PSD3: variants seen among roughly 807,000 people sequenced by gnomAD.
PSD3 encodes the protein pleckstrin and Sec7 domain containing 3.
Under a neutral mutation model 105.5 loss-of-function variants are expected in PSD3, and 49 were observed. The ratio of observed to expected loss-of-function variants is 0.46; its 90% CI spans 0.37 to 0.59. PSD3 has a LOEUF of 0.59. Ranked by LOEUF, PSD3 falls within the 20% of genes least tolerant of loss-of-function variation. The pLI is 0.00. For synonymous variants in PSD3, 557 were observed against 457.8 expected, an observed-to-expected ratio of 1.22 and a Z score of -2.77; for missense variants, 1,561 against 1,263.8, an observed-to-expected ratio of 1.24 and a Z score of -3.57.
intron 1 of PSD3, among the ~76,000 whole-genome samples, chr8:18,953,541 G>C (rs1175099299): frequency 1.3e-5 from 2 of 152,138 alleles, no homozygotes; most frequent in African/African-American, 4.8e-5. Context: ...CAGAGGTCAG[G>C]AGTTCAAGAC....
chr8:18,945,130 G>A (rs888080043), intron 1 of PSD3, among the ~76,000 whole-genome samples: 1 of 151,998 alleles, frequency 6.6e-6, no homozygotes, highest in African/African-American at 2.4e-5. Context: ...ACTAAATAAA[G>A]GTCCTCCCCC....
rs149406414 is a variant in PSD3 at position 18,657,458 on chromosome 8, A to G, written c.2173-1773T>C. Among the ~76,000 whole-genome samples, 819 of 152,344 alleles carry G rather than the reference A, an allele frequency of 5.4e-3. 5 individuals are homozygous for G. The highest frequency in any genetic ancestry group is 0.018 in the African/African-American group (765 of 41,578). ...CAGTAGCTAATAAAAACCAGGTCACATTTTATATTTTTCAGGACATGATAG... is the reference window on the plus strand; with the variant it reads ...CAGTAGCTAATAAAAACCAGGTCACGTTTTATATTTTTCAGGACATGATAG... On this transcript the variant is annotated intron_variant, in intron 9 of 15. Coordinates refer to ENST00000327040, the MANE Select transcript of PSD3 (RefSeq NM_015310.4).
intron 14 of PSD3, among the ~76,000 whole-genome samples, chr8:18,565,529 C>G (rs557121153): frequency 6.6e-6 from 1 of 152,216 alleles, no homozygotes; most frequent in South Asian, 2.1e-4. Flanking sequence ...AAAGCAAAGC[C>G]CACAAATGAC....
At chr8:18,655,530 G>T in intron 10 of PSD3, 112 bp downstream of exon 10, 1 of 1,001,394 alleles carries the variant, frequency 1.0e-6, no homozygotes, top group Non-Finnish European at 1.6e-6. Flanking sequence ...GGTGTAAAAT[G>T]AGAATTGGCA....
intron 11 of PSD3, among the ~76,000 whole-genome samples, chr8:18,631,102 A>C (rs1296898360): frequency 2.6e-5 from 4 of 152,010 alleles, no homozygotes; most frequent in Non-Finnish European, 2.9e-5. Context: ...AACACTATCA[A>C]CAAATCTTAG....
chr8:18,967,578 G>T (rs1824354895), intron 1 of PSD3, among the ~76,000 whole-genome samples: 1 of 152,166 alleles, frequency 6.6e-6, no homozygotes, highest in Non-Finnish European at 1.5e-5. Context: ...GACTTGCCCT[G>T]CTGAAGGCCT....
In PSD3 at chr8:18,748,179, A is replaced by T. The variant is rs544311548; in HGVS notation, c.2172+17270T>A. ...TTTAGCCCTTATGTATACACACTTTAAAAGGCTGAAGAAAAGCAACTGTGG... is the reference window on the plus strand; with the variant it reads ...TTTAGCCCTTATGTATACACACTTTTAAAGGCTGAAGAAAAGCAACTGTGG... On this transcript the variant is annotated intron_variant, in intron 9 of 15. Transcript: ENST00000327040. 3.5e-4 allele frequency among the ~76,000 whole-genome samples: 53 copies of T among 152,148 alleles called. 2 individuals carry two copies. In the South Asian group the frequency reaches 9.5e-3, roughly 27 times the overall value.
chr8:18,851,426 A>C (rs1293439911), intron 4 of PSD3, among the ~76,000 whole-genome samples: 1 of 152,224 alleles, frequency 6.6e-6, no homozygotes, highest in African/African-American at 2.4e-5. Flanking sequence ...ACAATGACTA[A>C]AATCCCAGCT....
chr8:18,564,073 T>C (rs558069350), intron 14 of PSD3, among the ~76,000 whole-genome samples: 1 of 151,442 alleles, frequency 6.6e-6, no homozygotes, highest in Non-Finnish European at 1.5e-5. Context: ...TTTTAATAGC[T>C]CCTTAGGCAC....
intron 10 of PSD3, among the ~76,000 whole-genome samples, chr8:18,641,888 A>G (rs938501699): frequency 4.6e-5 from 7 of 152,154 alleles, no homozygotes; most frequent in Non-Finnish European, 8.8e-5. Context: ...TCTAAAATGG[A>G]TCTTTGTCAC....
intron 4 of PSD3, among the ~76,000 whole-genome samples, chr8:18,852,625 T>A (rs1012279859): frequency 6.6e-6 from 1 of 152,168 alleles, no homozygotes; most frequent in Non-Finnish European, 1.5e-5. Context: ...CCAGCCCCCG[T>A]TGCCACTGAA....
intron 4 of PSD3, among the ~76,000 whole-genome samples, chr8:18,851,770 A>G (rs1815591938): frequency 6.6e-6 from 1 of 152,194 alleles, no homozygotes; most frequent in African/African-American, 2.4e-5. Context: ...ACAACAAGGC[A>G]GTTTCAAATC....
At chr8:18,645,887 T>G (rs989312959) in intron 10 of PSD3, among the ~76,000 whole-genome samples, 1 of 152,176 alleles carries the variant, frequency 6.6e-6, no homozygotes, top group African/African-American at 2.4e-5. Context: ...TATCAGTTTT[T>G]CCATGGTGAG....
At chr8:18,896,564 C>A (rs1318683041) in intron 2 of PSD3, among the ~76,000 whole-genome samples, 1 of 152,114 alleles carries the variant, frequency 6.6e-6, no homozygotes, top group African/African-American at 2.4e-5. Context: ...CAGGCACACA[C>A]CACCACCTCA....
chr8:18,939,123 T>C lies in PSD3; in HGVS notation c.22-2981A>G, dbSNP rs111380257. ...AAAGTTTCAAGAAATTCCAAGAAGA[T>C]AAATTTTTGCTTAGAATCTCAACTT... is the stretch of plus-strand genomic sequence containing the variant. On this transcript the variant is annotated intron_variant, in intron 1 of 15. Coordinates refer to ENST00000327040, the MANE Select transcript of PSD3 (RefSeq NM_015310.4). Among the ~76,000 whole-genome samples the C allele has an allele frequency of 1.8e-4, 27 of 152,318 alleles. 2 individuals are homozygous for C. The highest frequency in any genetic ancestry group is 6.3e-4 in the African/African-American group (26 of 41,574).
intron 2 of PSD3, among the ~76,000 whole-genome samples, chr8:18,919,782 T>C (rs1011287187): frequency 7.2e-5 from 10 of 139,430 alleles, no homozygotes; most frequent in African/African-American, 2.4e-4. Context: ...TTCTCACTCA[T>C]AGATGGGAAT....
In PSD3 at chr8:18,990,021, T is replaced by C. The variant is rs78144260; in HGVS notation, c.21+23542A>G. Among the ~76,000 whole-genome samples the C allele has an allele frequency of 8.4e-3, 1,278 of 152,102 alleles. 14 individuals carry two copies. Among genetic ancestry groups the C allele is most frequent in the African/African-American group, 0.028 (1,170 of 41,478 alleles). On this transcript the variant is annotated intron_variant, in intron 1 of 15. Transcript: ENST00000327040. ...TCTTCCTTTCCTTACACCCCATCAATCATCAGGTTCTGTTGATCTACACAA... is the reference window on the plus strand; with the variant it reads ...TCTTCCTTTCCTTACACCCCATCAACCATCAGGTTCTGTTGATCTACACAA...
chr8:18,965,948 A>C (rs778073172), intron 1 of PSD3, among the ~76,000 whole-genome samples: 10 of 152,240 alleles, frequency 6.6e-5, no homozygotes, highest in Non-Finnish European at 1.2e-4. Flanking sequence ...TTGTGAGTTT[A>C]AGGCACATTA....
intron 14 of PSD3, among the ~76,000 whole-genome samples, chr8:18,569,720 G>A (rs539131642): frequency 0.017 from 294 of 17,298 alleles, 134 homozygotes; most frequent in Middle Eastern, 0.091. Flanking sequence ...CCACTAACTC[G>A]TCATCTAGCA....
Sources: allele counts gnomAD v4.1 joint callset (sites outside exome capture counted in the v4.1 genomes callset), GRCh38; gene constraint gnomAD v4.1.1; transcripts MANE v1.5; gene names NCBI Gene and HGNC (gene_info 2026-07-23, HGNC 2026-07-21).